Variants in SOHLH2 observed in about 807,000 individuals in gnomAD.
The protein encoded by SOHLH2 is spermatogenesis- and oogenesis-specific basic helix-loop-helix-containing protein 2.
In SOHLH2, 22 loss-of-function variants were observed where a neutral mutation model predicts 50.4. The ratio of observed to expected loss-of-function variants is 0.44; its 90% CI spans 0.31 to 0.62. The LOEUF is 0.62. Among genes scored for constraint, SOHLH2 ranks in the 20% least tolerant of loss-of-function variants. The probability of loss-of-function intolerance (pLI) is 0.08; values close to 1 mark genes in which losing one functional copy is unlikely to be tolerated. For synonymous variants in SOHLH2, 185 were observed against 187.3 expected (o/e 0.99, Z 0.10); for missense variants, 412 against 504.4 (o/e 0.82, Z 1.76).
intron 1 of SOHLH2, among the ~76,000 whole-genome samples, chr13:36,209,639 A>G (rs1488321783): frequency 1.3e-5 from 2 of 152,176 alleles, no homozygotes; most frequent in African/African-American, 2.4e-5. Context: ...CCACCTGCTA[A>G]CGCCATCACC....
Position 36,173,830 on chromosome 13 carries a change from T to G in SOHLH2, c.882-20A>C, listed in dbSNP as rs751164140. The G allele has an allele frequency of 6.2e-6, 10 of 1,613,426 alleles. No individual in the cohort carries two copies. The highest frequency in any genetic ancestry group is 8.5e-6 in the Non-Finnish European group (10 of 1,179,786). On this transcript the variant is annotated intron_variant, in intron 8 of 10. Coordinates refer to ENST00000379881, the MANE Select transcript of SOHLH2 (RefSeq NM_017826.3). Reference sequence around the variant, plus strand: ...TTTTCCCTTGAAAGGACAGAAAAAATTATTTGCACATTTTTCAAGGAAAAC... The same window carrying G: ...TTTTCCCTTGAAAGGACAGAAAAAAGTATTTGCACATTTTTCAAGGAAAAC...
chr13:36,177,713 C>T (rs74045225), intron 6 of SOHLH2, among the ~76,000 whole-genome samples: 89 of 152,170 alleles, frequency 5.8e-4, no homozygotes, highest in African/African-American at 2.1e-3. Flanking sequence ...GTATAGCTTC[C>T]TTTGTCAAGC....
chr13:36,191,317 T>A (rs752644588), intron 5 of SOHLH2, among the ~76,000 whole-genome samples: 2 of 152,114 alleles, frequency 1.3e-5, no homozygotes, highest in African/African-American at 2.4e-5. Flanking sequence ...ACGTAAAAGA[T>A]ACTAAATCCT....
intron 1 of SOHLH2, among the ~76,000 whole-genome samples, chr13:36,210,243 C>A (rs558720626): frequency 7.9e-5 from 12 of 152,246 alleles, no homozygotes; most frequent in African/African-American, 2.4e-4. Flanking sequence ...AGTTCTGTAC[C>A]CAGCTAATTC....
At chr13:36,187,014 C>G (rs1887440525) in intron 6 of SOHLH2, among the ~76,000 whole-genome samples, 1 of 152,092 alleles carries the variant, frequency 6.6e-6, no homozygotes, top group African/African-American at 2.4e-5. Flanking sequence ...AAGACAAAAA[C>G]TAATCAGGGA....
At chr13:36,184,176 TAATTA>T (rs1249963411) in intron 6 of SOHLH2, among the ~76,000 whole-genome samples, 3 of 152,130 alleles carry the variant, frequency 2.0e-5, no homozygotes, top group Non-Finnish European at 4.4e-5. Context: ...GATGACAGCA[TAATTA>T]AATTATAAAT....
intron 2 of SOHLH2, among the ~76,000 whole-genome samples, chr13:36,196,480 C>T (rs1357440885): frequency 6.6e-6 from 1 of 151,758 alleles, no homozygotes; most frequent in Non-Finnish European, 1.5e-5. Flanking sequence ...GAGGTACAGA[C>T]AACAGAATGA....
intron 2 of SOHLH2, 129 bp downstream of exon 2, chr13:36,201,750 A>AAAG: frequency 7.3e-7 from 1 of 1,375,962 alleles, no homozygotes. Flanking sequence ...GATTACACGC[A>AAAG]TGAGCCAATC....
intron 6 of SOHLH2, among the ~76,000 whole-genome samples, chr13:36,178,545 T>C (rs2076983051): frequency 1.3e-5 from 2 of 152,174 alleles, no homozygotes; most frequent in African/African-American, 4.8e-5. Context: ...GAAGTCAAGA[T>C]AGTTTAAGTC....
intron 2 of SOHLH2, among the ~76,000 whole-genome samples, chr13:36,198,994 C>A (rs9546652): frequency 0.25 from 38,519 of 151,984 alleles, 5,126 homozygotes; most frequent in Middle Eastern, 0.29. Flanking sequence ...CAACAAAGAT[C>A]TAAAGAGAAA....
intron 1 of SOHLH2, among the ~76,000 whole-genome samples, chr13:36,212,781 AGT>A (rs2138338539): frequency 1.3e-5 from 2 of 152,344 alleles, no homozygotes; most frequent in South Asian, 4.1e-4. Context: ...ATACCCTTTA[AGT>A]GTGGGTGGTT....
intron 2 of SOHLH2, among the ~76,000 whole-genome samples, chr13:36,199,183 C>G (rs1430178643): frequency 6.6e-6 from 1 of 152,116 alleles, no homozygotes; most frequent in Non-Finnish European, 1.5e-5. Flanking sequence ...AGGTTGAAAA[C>G]TGGAAACATC....
intron 8 of SOHLH2, 30 bp downstream of exon 8, chr13:36,174,446 A>C (rs981543111): frequency 2.5e-6 from 4 of 1,608,372 alleles, no homozygotes; most frequent in Non-Finnish European, 3.4e-6. Flanking sequence ...TAACTAGCAG[A>C]CTTCAGATTC....
intron 1 of SOHLH2, among the ~76,000 whole-genome samples, chr13:36,209,605 T>A (rs112418422): frequency 6.6e-6 from 1 of 152,190 alleles, no homozygotes; most frequent in Non-Finnish European, 1.5e-5. Flanking sequence ...TCCTCCCTTA[T>A]GACCTAATCA....
intron 6 of SOHLH2, among the ~76,000 whole-genome samples, chr13:36,187,826 C>T (rs1188844242): frequency 2.0e-5 from 3 of 152,184 alleles, no homozygotes; most frequent in African/African-American, 7.2e-5. Flanking sequence ...AACACCTCCT[C>T]ATCAGCTGCG....
rs763676376 is a variant in SOHLH2, at chr13:36,173,821, C to T, written c.882-11G>A. 3.7e-6 allele frequency: 6 copies of T among 1,613,544 alleles called. No homozygotes were observed. Among genetic ancestry groups the T allele is most frequent in the South Asian group, 1.1e-5 (1 of 91,012 alleles). Reference sequence around the variant, plus strand: ...ATCACACTGTTTTCCCTTGAAAGGACAGAAAAAATTATTTGCACATTTTTC... The same window carrying T: ...ATCACACTGTTTTCCCTTGAAAGGATAGAAAAAATTATTTGCACATTTTTC... On this transcript the variant is annotated splice_polypyrimidine_tract_variant and intron_variant, in intron 8 of 10. Transcript: ENST00000379881.
intron 6 of SOHLH2, 84 bp from the exon 7 acceptor site, chr13:36,174,953 G>C (rs867229239): frequency 2.0e-6 from 3 of 1,497,190 alleles, no homozygotes. Context: ...TTCCTCCTGG[G>C]TATGTTTGTA....
At chr13:36,196,437 T>A (rs1391360529) in intron 2 of SOHLH2, among the ~76,000 whole-genome samples, 2 of 152,072 alleles carry the variant, frequency 1.3e-5, no homozygotes, top group Non-Finnish European at 2.9e-5. Context: ...CGTATACATA[T>A]TTTTAGGTGA....
intron 9 of SOHLH2, 74 bp downstream of exon 9, chr13:36,173,618 T>C (rs966993621): frequency 1.9e-6 from 3 of 1,565,144 alleles, no homozygotes; most frequent in African/African-American, 2.7e-5. Flanking sequence ...TGGTGGTGAA[T>C]GCACAGGAGC....
Sources: gnomAD v4.1 joint callset for allele counts (sites outside exome capture counted in the v4.1 genomes callset) on GRCh38, gnomAD v4.1.1 for gene constraint, MANE v1.5 for transcripts, NCBI Gene and HGNC (gene_info 2026-07-23, HGNC 2026-07-21) for gene names.